Variants in MMP16 observed in about 807,000 individuals in gnomAD.
MMP16 encodes matrix metalloproteinase-16.
In MMP16, 12 loss-of-function variants were observed where a neutral mutation model predicts 67.8. That is an observed-to-expected ratio of 0.18 (90% CI 0.11 to 0.29). MMP16 has a LOEUF of 0.29. Ranked by LOEUF, MMP16 falls within the 10% of genes least tolerant of loss-of-function variation. MMP16 has a pLI of 1.00. For synonymous variants in MMP16, 249 were observed against 255.9 expected, an observed-to-expected ratio of 0.97 and a Z score of 0.26; for missense variants, 475 against 765.7, an observed-to-expected ratio of 0.62 and a Z score of 4.48.
chr8:88,094,727 A>C (rs371454297), intron 6 of MMP16, among the ~76,000 whole-genome samples: 1 of 151,936 alleles, frequency 6.6e-6, no homozygotes, highest in African/African-American at 2.4e-5. Flanking sequence ...AAAAATTCAA[A>C]AATATAATTT....
At chr8:88,222,150 A>G (rs554362593) in intron 1 of MMP16, among the ~76,000 whole-genome samples, 49 of 152,150 alleles carry the variant, frequency 3.2e-4, no homozygotes, top group South Asian at 2.5e-3. Flanking sequence ...AGTATTGTAG[A>G]AAAACAAGTG....
intron 4 of MMP16, among the ~76,000 whole-genome samples, chr8:88,133,724 C>G (rs1459220764): frequency 6.6e-6 from 1 of 151,680 alleles, no homozygotes; most frequent in East Asian, 1.9e-4. Flanking sequence ...CACTTAGAAC[C>G]TGAATTAACA....
chr8:88,288,809 G>A (rs1810874506), intron 1 of MMP16, among the ~76,000 whole-genome samples: 1 of 152,134 alleles, frequency 6.6e-6, no homozygotes, highest in Non-Finnish European at 1.5e-5. Flanking sequence ...AATCAGTGAT[G>A]TAGATGAAGA....
chr8:88,038,113 A>G lies in MMP16; in HGVS notation c.*3348T>C, dbSNP rs1808079058. The G allele has an allele frequency of 6.6e-6, 1 of 151,918 alleles. No individual in the cohort carries two copies. Among genetic ancestry groups the G allele is most frequent in the Non-Finnish European group, 1.5e-5 (1 of 67,900 alleles). The allele number at this position is 151,918 out of a possible 1,614,324, so 9.4% of individuals were successfully genotyped here. A position where few individuals can be genotyped will look rare whatever the true frequency, so the allele number is the denominator to read the frequency against. The stretch of plus-strand genomic sequence containing the variant: ...CTTTCACTGTTCCATTTGGTTTGAG[A>G]CTTTTTTCCCAAACCTCATGTAGAA... On this transcript the variant is annotated 3_prime_UTR_variant, in exon 10 of 10. Transcript: ENST00000286614. This position sits in a 1 kb window ranked among gnomAD's most constrained non-coding sequence, Gnocchi z 4.1.
At chr8:88,229,395 A>G (rs1306713920) in intron 1 of MMP16, among the ~76,000 whole-genome samples, 1 of 152,136 alleles carries the variant, frequency 6.6e-6, no homozygotes, top group Non-Finnish European at 1.5e-5. Flanking sequence ...AAAAGTAACA[A>G]ATCAAAACGG....
chr8:88,094,420 C>A (rs917814881), intron 6 of MMP16, among the ~76,000 whole-genome samples: 1 of 151,516 alleles, frequency 6.6e-6, no homozygotes, highest in Admixed American at 6.6e-5. Context: ...AAATTAACAA[C>A]CTTTTTAACA....
At chr8:88,182,984 A>G (rs755391979) in intron 3 of MMP16, among the ~76,000 whole-genome samples, 2 of 152,174 alleles carry the variant, frequency 1.3e-5, no homozygotes, top group Non-Finnish European at 2.9e-5. Context: ...AGTTCCAACT[A>G]TATGACATTC....
In MMP16 at chr8:88,040,142, A is replaced by G. The variant is rs76310924; in HGVS notation, c.*1319T>C. On this transcript the variant is annotated 3_prime_UTR_variant, in exon 10 of 10. Coordinates refer to ENST00000286614, the MANE Select transcript of MMP16 (RefSeq NM_005941.5). ...AACAGAAATTCAGTATGCCTAAAAA[A>G]AAGAAAAGAAGACTTAGGCTATTAT... The G allele has an allele frequency of 6.6e-6, 1 of 152,634 alleles. No homozygotes were observed. The highest frequency in any genetic ancestry group is 2.4e-5 in the African/African-American group (1 of 41,450). 9.5% of individuals were successfully genotyped at this position (152,634 alleles called of 1,614,324 possible).
chr8:88,261,772 T>TACACACAC lies in MMP16; in HGVS notation c.133-64474_133-64467dup, dbSNP rs1475874060. Among the ~76,000 whole-genome samples, 976 of 149,708 alleles carry TACACACAC rather than the reference T, an allele frequency of 6.5e-3. 6 individuals are homozygous for TACACACAC. Among genetic ancestry groups the TACACACAC allele is most frequent in the South Asian group, 0.032 (153 of 4,714 alleles). ...ACATATGCATACATATATGTACATGTACACACACACACACACACACAACCA... is the reference window on the plus strand; with the variant it reads ...ACATATGCATACATATATGTACATGTACACACACACACACACACACACACACACAACCA... On this transcript the variant is annotated intron_variant, in intron 1 of 9. Transcript: ENST00000286614.
rs1290614164 is a variant in MMP16, at chr8:88,040,890, A to T, written c.*571T>A. On this transcript the variant is annotated 3_prime_UTR_variant, in exon 10 of 10. Coordinates refer to ENST00000286614, the MANE Select transcript of MMP16 (RefSeq NM_005941.5). ...CACCTGACAAAATGGTGCGTAGGAG[A>T]CTATCCAAAGCAGTCAGAGAGCTAT... is the stretch of plus-strand genomic sequence containing the variant. 1 of 152,644 alleles carries T rather than the reference A, an allele frequency of 6.6e-6. No individual in the cohort carries two copies. The highest frequency in any genetic ancestry group is 1.5e-5 in the Non-Finnish European group (1 of 68,116). The allele number at this position is 152,644 out of a possible 1,614,324, so 9.5% of individuals were successfully genotyped here.
chr8:88,177,339 T>C (rs760096393), intron 3 of MMP16, among the ~76,000 whole-genome samples: 8 of 152,206 alleles, frequency 5.3e-5, no homozygotes, highest in Admixed American at 2.0e-4. Flanking sequence ...GAAATAACTC[T>C]TCTTCATTCC....
chr8:88,251,246 T>C (rs1021516552), intron 1 of MMP16, among the ~76,000 whole-genome samples: 1 of 151,894 alleles, frequency 6.6e-6, no homozygotes, highest in African/African-American at 2.4e-5. Flanking sequence ...CAAACTATAC[T>C]ACAAGGCTAC....
intron 1 of MMP16, among the ~76,000 whole-genome samples, chr8:88,225,993 C>T (rs1215292199): frequency 6.6e-6 from 1 of 151,888 alleles, no homozygotes; most frequent in Non-Finnish European, 1.5e-5. Flanking sequence ...CATTTTTATA[C>T]AACTATTTTA....
chr8:88,215,226 A>G (rs1315999397), intron 1 of MMP16, among the ~76,000 whole-genome samples: 4 of 151,892 alleles, frequency 2.6e-5, no homozygotes. Flanking sequence ...GCTACTCAGG[A>G]GGCTGAGGCA....
At chr8:88,179,408 C>A (rs1808943700) in intron 3 of MMP16, among the ~76,000 whole-genome samples, 2 of 150,586 alleles carry the variant, frequency 1.3e-5, no homozygotes, top group South Asian at 4.2e-4. Context: ...CAAATAAAAA[C>A]TAAAAACACT....
At chr8:88,186,635 T>A in intron 2 of MMP16, 37 bp from the exon 3 acceptor site, 1 of 1,569,698 alleles carries the variant, frequency 6.4e-7, no homozygotes, top group East Asian at 2.2e-5. Flanking sequence ...AAGCAGTATT[T>A]TCCAGTTATT....
intron 1 of MMP16, among the ~76,000 whole-genome samples, chr8:88,232,809 T>A (rs563892629): frequency 6.6e-6 from 1 of 152,292 alleles, no homozygotes; most frequent in African/African-American, 2.4e-5. Context: ...CAGCTATATT[T>A]AGCAACCAGT....
intron 2 of MMP16, among the ~76,000 whole-genome samples, chr8:88,187,744 C>T (rs1333709511): frequency 6.6e-6 from 1 of 152,132 alleles, no homozygotes; most frequent in Non-Finnish European, 1.5e-5. Context: ...ATAACTTTTA[C>T]TTCTTAAGAA....
chr8:88,220,238 T>C (rs1156438254), intron 1 of MMP16, among the ~76,000 whole-genome samples: 1 of 152,172 alleles, frequency 6.6e-6, no homozygotes, highest in Non-Finnish European at 1.5e-5. Context: ...TCCTCAATTA[T>C]TTTATAGTTT....
Sources: allele counts gnomAD v4.1 joint callset (sites outside exome capture counted in the v4.1 genomes callset), GRCh38; gene constraint gnomAD v4.1.1; non-coding constraint Gnocchi (gnomAD v3.1); transcripts MANE v1.5; gene names NCBI Gene and HGNC (gene_info 2026-07-23, HGNC 2026-07-21).